The following MED13 variants were observed in gnomAD, a reference collection of about 807,000 sequenced individuals.
MED13 encodes the protein mediator of RNA polymerase II transcription subunit 13.
In MED13, 23 loss-of-function variants were observed where a neutral mutation model predicts 225.2. That is an observed-to-expected ratio of 0.10 (90% CI 0.07 to 0.14). The LOEUF (loss-of-function observed/expected upper bound fraction) is 0.14. Among genes scored for constraint, MED13 ranks in the 10% least tolerant of loss-of-function variants. The pLI is 1.00. For synonymous variants in MED13, 942 were observed against 889.2 expected (o/e 1.06, Z -1.06); for missense variants, 2,197 against 2,594.5 (o/e 0.85, Z 3.33).
intron 9 of MED13, among the ~76,000 whole-genome samples, chr17:62,007,903 C>T (rs1053093736): frequency 1.6e-4 from 24 of 151,414 alleles, no homozygotes; most frequent in African/African-American, 5.1e-4. Flanking sequence ...CCTATAGTCC[C>T]AGCTACTCGG....
At chr17:62,033,635 G>A in intron 5 of MED13, 152 bp downstream of exon 5, 1 of 700,408 alleles carries the variant, frequency 1.4e-6, no homozygotes. Context: ...CAGCTAAGAT[G>A]CAGCCCTTAA....
intron 2 of MED13, 39 bp from the exon 3 acceptor site, chr17:62,052,744 T>G: frequency 1.4e-6 from 2 of 1,467,022 alleles, no homozygotes; most frequent in African/African-American, 1.4e-5. Flanking sequence ...ATAGTGACAC[T>G]ATAATCTATT....
chr17:61,987,445 C>CA (rs1007168055), intron 11 of MED13, among the ~76,000 whole-genome samples: 16 of 150,970 alleles, frequency 1.1e-4, no homozygotes, highest in African/African-American at 3.9e-4. Flanking sequence ...AAAACAAAAA[C>CA]AAAAAACAAA....
At chr17:62,026,509 A>C (rs1162166626) in intron 8 of MED13, among the ~76,000 whole-genome samples, 1 of 151,504 alleles carries the variant, frequency 6.6e-6, no homozygotes, top group Non-Finnish European at 1.5e-5. Flanking sequence ...TGTAGCTGGA[A>C]GCACTCCCCT....
chr17:62,031,211 T>C (rs2080752555), intron 6 of MED13: 1 of 383,018 alleles, frequency 2.6e-6, no homozygotes, highest in East Asian at 4.9e-5. Context: ...ATCATGTCTG[T>C]AGGTTGTTCT....
intron 28 of MED13, among the ~76,000 whole-genome samples, chr17:61,949,009 A>T (rs1448544701): frequency 6.7e-6 from 1 of 148,498 alleles, no homozygotes; most frequent in African/African-American, 2.5e-5. Context: ...AATGGCGTGA[A>T]CCCGGGAGGC....
Position 62,063,046 on chromosome 17 carries a change from G to A in MED13, c.301+21C>T, listed in dbSNP as rs766618705. Reference sequence around the variant, plus strand: ...TACAATGTTGCTATATCATTAGTTAGAAATGGAAAGTTTCTTTCACCTGAT... The same window carrying A: ...TACAATGTTGCTATATCATTAGTTAAAAATGGAAAGTTTCTTTCACCTGAT... On this transcript the variant is annotated intron_variant, in intron 2 of 29. Coordinates refer to ENST00000397786, the MANE Select transcript of MED13 (RefSeq NM_005121.3). 13 of 1,562,200 alleles carry A rather than the reference G, an allele frequency of 8.3e-6. No homozygotes were observed. The East Asian group carries it at 1.8e-4, about 22-fold the overall frequency.
intron 2 of MED13, among the ~76,000 whole-genome samples, chr17:62,062,063 C>A (rs2081042977): frequency 2.0e-5 from 3 of 151,892 alleles, no homozygotes; most frequent in Admixed American, 2.0e-4. Context: ...ACATTCTATC[C>A]AAAAATAAAA....
intron 10 of MED13, among the ~76,000 whole-genome samples, chr17:61,993,601 T>C (rs145605833): frequency 6.6e-6 from 1 of 152,214 alleles, no homozygotes; most frequent in East Asian, 1.9e-4. Context: ...ATAGTAGGGC[T>C]AAGTAAAACT....
At chr17:61,973,013 T>C in intron 16 of MED13, 125 bp from the exon 17 acceptor site, 1 of 662,156 alleles carries the variant, frequency 1.5e-6, no homozygotes, top group Non-Finnish European at 2.4e-6. Context: ...ATTAAACCCT[T>C]ACTTGTGCAG....
intron 23 of MED13, among the ~76,000 whole-genome samples, chr17:61,959,472 A>T (rs2079978771): frequency 1.3e-5 from 2 of 152,162 alleles, no homozygotes; most frequent in African/African-American, 4.8e-5. Context: ...AATCAGTATA[A>T]ATATCCAATT....
chr17:62,042,477 G>A (rs1412161703), intron 3 of MED13, among the ~76,000 whole-genome samples: 4 of 145,126 alleles, frequency 2.8e-5, no homozygotes, highest in African/African-American at 1.0e-4. Flanking sequence ...CAGGAGAATC[G>A]CTTGAACCTG....
rs2079843411 is a variant in MED13, at chr17:61,945,235, A to ACC, written c.*1231_*1232dup. 1 of 152,080 alleles carries ACC rather than the reference A, an allele frequency of 6.6e-6. No individual in the cohort carries two copies. The highest frequency in any genetic ancestry group is 2.4e-5 in the African/African-American group (1 of 41,424). 9.4% of individuals were successfully genotyped at this position (152,080 alleles called of 1,614,324 possible). On this transcript the variant is annotated 3_prime_UTR_variant, in exon 30 of 30. Coordinates refer to ENST00000397786, the MANE Select transcript of MED13 (RefSeq NM_005121.3). ...AGTTTGATTGCGCGCACACACACACACCCATACATATGCATACTCTCACAT... is the reference window on the plus strand; with the variant it reads ...AGTTTGATTGCGCGCACACACACACACCCCCATACATATGCATACTCTCACAT...
intron 16 of MED13, among the ~76,000 whole-genome samples, chr17:61,974,226 A>G (rs2080134033): frequency 6.6e-6 from 1 of 152,030 alleles, no homozygotes; most frequent in Non-Finnish European, 1.5e-5. Flanking sequence ...AGCCTGCGCA[A>G]CATGGCAAAA....
chr17:61,993,200 CTTTTTTTT>C (rs964200883), intron 10 of MED13, among the ~76,000 whole-genome samples: 2 of 107,690 alleles, frequency 1.9e-5, no homozygotes, highest in Non-Finnish European at 3.5e-5. Context: ...TTCTTTCTTT[CTTTTTTTT>C]TTTTTTTTTT....
chr17:61,996,318 C>A (rs1019609301), intron 9 of MED13, among the ~76,000 whole-genome samples: 1 of 152,188 alleles, frequency 6.6e-6, no homozygotes, highest in Non-Finnish European at 1.5e-5. Flanking sequence ...TTCCTATTCT[C>A]TCGGGTTTAC....
At chr17:61,969,363 AAAC>A (rs1293964743) in intron 17 of MED13, among the ~76,000 whole-genome samples, 85 of 148,336 alleles carry the variant, frequency 5.7e-4, no homozygotes, top group African/African-American at 2.0e-3. Context: ...AAAAACAAAC[AAAC>A]AAAAAATTGG....
chr17:62,032,062 T>G (rs966967830), intron 5 of MED13, among the ~76,000 whole-genome samples: 2 of 152,054 alleles, frequency 1.3e-5, no homozygotes, highest in Non-Finnish European at 2.9e-5. Context: ...GCCTCTATTT[T>G]AAAAGCCTAA....
chr17:61,978,586 T>C (rs1264847561), intron 16 of MED13, among the ~76,000 whole-genome samples: 2 of 152,256 alleles, frequency 1.3e-5, no homozygotes, highest in African/African-American at 4.8e-5. Flanking sequence ...AGTAAATCTA[T>C]TATTGACCCT....
Sources: gnomAD v4.1 joint callset for allele counts (sites outside exome capture counted in the v4.1 genomes callset) on GRCh38, gnomAD v4.1.1 for gene constraint, MANE v1.5 for transcripts, NCBI Gene and HGNC (gene_info 2026-07-23, HGNC 2026-07-21) for gene names.